TAAR5: variants seen among roughly 807,000 people sequenced by gnomAD.
TAAR5 encodes the protein trace amine associated receptor 5, also known as trace amine-associated receptor 5.
A neutral mutation model predicts 21.1 loss-of-function variants in TAAR5; 27 were observed. The observed-to-expected ratio is 1.28, with a 90% CI of 0.94 to 1.76. TAAR5 has a LOEUF of 1.76. Ranked by LOEUF, TAAR5 falls within the 40% of genes most tolerant of loss-of-function variation. The pLI, the probability that TAAR5 is intolerant of heterozygous loss-of-function variation, is 0.00. For synonymous variants in TAAR5, 203 were observed against 167.5 expected (o/e 1.21, Z -1.64); for missense variants, 495 against 405.6 (o/e 1.22, Z -1.89).
the TAAR5 span, among the ~76,000 whole-genome samples, chr6:132,596,658 G>C: frequency 6.6e-6 from 1 of 151,772 alleles, no homozygotes; most frequent in East Asian, 1.9e-4. Flanking sequence ...AAATTTTTTA[G>C]GGTTTTTTTT....
At chr6:132,593,658 A>T (rs1216877780), upstream of TAAR5, among the ~76,000 whole-genome samples, 1 of 152,194 alleles carries the variant, frequency 6.6e-6, no homozygotes, top group Non-Finnish European at 1.5e-5. Flanking sequence ...TAATGAATAT[A>T]TGTACACACA....
At chr6:132,601,017 G>GA in the TAAR5 span, among the ~76,000 whole-genome samples, 27 of 32,196 alleles carry the variant, frequency 8.4e-4, no homozygotes, top group African/African-American at 5.5e-3. Context: ...AGGAAGGAAG[G>GA]GGGGAAGGAG....
At position 132,589,072 on chromosome 6, in the gene TAAR5, G is replaced by A. The variant is rs1354892165; in HGVS notation, c.615C>T (p.Phe205=). The A allele has an allele frequency of 6.8e-6, 11 of 1,613,992 alleles. No homozygotes were observed. The highest frequency in any genetic ancestry group is 1.1e-5 in the South Asian group (1 of 91,090). The part of the protein sequence containing the change: ...LLNKFWGWLN[F]PLFFVPCLIM... ...TGAGGCAGGGGACAAAGAACAAAGGGAAGTTTAACCAGCCCCAAAATTTAT... is the reference window on the plus strand; with the variant it reads ...TGAGGCAGGGGACAAAGAACAAAGGAAAGTTTAACCAGCCCCAAAATTTAT... Residue 205 remains phenylalanine, a synonymous_variant, in exon 1 of 1, where the codon TTC becomes TTT. Coordinates refer to ENST00000258034, the MANE Select transcript of TAAR5 (RefSeq NM_003967.3).
chr6:132,611,122 T>C, the TAAR5 span, among the ~76,000 whole-genome samples: 664 of 151,990 alleles, frequency 4.4e-3, 9 homozygotes, highest in African/African-American at 0.015. Flanking sequence ...TGCAACAGCA[T>C]GAGTGGAACT....
At chr6:132,602,897 G>A in the TAAR5 span, among the ~76,000 whole-genome samples, 4 of 151,766 alleles carry the variant, frequency 2.6e-5, no homozygotes, top group Non-Finnish European at 5.9e-5. Flanking sequence ...AGCAGGTTGT[G>A]CATGAACTAA....
At chr6:132,590,249 C>T (rs1450352072), upstream of TAAR5, among the ~76,000 whole-genome samples, 1 of 152,112 alleles carries the variant, frequency 6.6e-6, no homozygotes, top group African/African-American at 2.4e-5. Context: ...AGATTTTTAG[C>T]TACATGCCAA....
chr6:132,594,593 A>G (rs1053470451), upstream of TAAR5: 7 of 152,350 alleles, frequency 4.6e-5, no homozygotes, highest in East Asian at 5.8e-4. Flanking sequence ...AGGATCTGTG[A>G]TCGTCAAGAC....
the TAAR5 span, chr6:132,608,498 C>A: frequency 4.4e-6 from 2 of 455,020 alleles, no homozygotes; most frequent in Non-Finnish European, 8.8e-6. Flanking sequence ...ACCCCCATTA[C>A]TATACCCAGT....
chr6:132,588,781 G>A lies in TAAR5; in HGVS notation c.906C>T (p.Pro302=). ...WFAYFNSACN[P]IIYVFSYQWF... ...ACTGGTAGGAAAAGACATAGATGAT[G>A]GGGTTGCAGGCTGAGTTGAAGTAAG... Residue 302 remains proline, a synonymous_variant, in exon 1 of 1, where the codon CCC becomes CCT. Coordinates refer to ENST00000258034, the MANE Select transcript of TAAR5 (RefSeq NM_003967.3). The A allele has an allele frequency of 6.2e-7, 1 of 1,614,034 alleles. No individual in the cohort carries two copies. Among genetic ancestry groups the A allele is most frequent in the Non-Finnish European group, 8.5e-7 (1 of 1,180,002 alleles).
the TAAR5 span, among the ~76,000 whole-genome samples, chr6:132,610,285 A>G: frequency 4.6e-5 from 7 of 152,194 alleles, no homozygotes; most frequent in African/African-American, 1.7e-4. Flanking sequence ...CCTATAACAA[A>G]GCACAGAGTC....
At chr6:132,611,291 G>A in the TAAR5 span, among the ~76,000 whole-genome samples, 757 of 151,810 alleles carry the variant, frequency 5.0e-3, 3 homozygotes, top group Non-Finnish European at 7.1e-3. Flanking sequence ...AGGATAGTGG[G>A]GAGAGGGGGA....
In TAAR5 at chr6:132,588,729, G is replaced by A; in HGVS notation, c.958C>T (p.Leu320=). The A allele has an allele frequency of 6.2e-7, 1 of 1,614,024 alleles. No individual in the cohort carries two copies. Among genetic ancestry groups the A allele is most frequent in the Non-Finnish European group, 8.5e-7 (1 of 1,179,974 alleles). The part of the protein sequence containing the change: ...QWFRKALKLT[L]SQKVFSPQTR... ...TGCGGTGAGAAGACCTTCTGGCTCA[G>A]TGTGAGTTTCAGTGCCTTCCGAAAC... The change falls in exon 1 of 1, where the codon CTG becomes TTG. Residue 320 remains leucine (L), a synonymous_variant. Transcript: ENST00000258034.
At chr6:132,611,175 A>G in the TAAR5 span, among the ~76,000 whole-genome samples, 1 of 151,596 alleles carries the variant, frequency 6.6e-6, no homozygotes, top group Non-Finnish European at 1.5e-5. Flanking sequence ...ATAGAAAGAC[A>G]AATATCTCAT....
At chr6:132,595,555 G>T in the TAAR5 span, 1 of 152,088 alleles carries the variant, frequency 6.6e-6, no homozygotes, top group Non-Finnish European at 1.5e-5. Context: ...TTTTTCAGAG[G>T]CCAAACTAAG....
At chr6:132,616,653 C>T in the TAAR5 span, among the ~76,000 whole-genome samples, 1 of 152,208 alleles carries the variant, frequency 6.6e-6, no homozygotes, top group African/African-American at 2.4e-5. Context: ...TAACTGACTC[C>T]TGGAAGAATA....
upstream of TAAR5, among the ~76,000 whole-genome samples, chr6:132,593,345 GTTTTA>G (rs1776932903): frequency 6.6e-6 from 1 of 152,208 alleles, no homozygotes; most frequent in African/African-American, 2.4e-5. Context: ...CAGGGTTTGA[GTTTTA>G]TTTATCTCTG....
chr6:132,615,469 G>A, the TAAR5 span, among the ~76,000 whole-genome samples: 2 of 151,668 alleles, frequency 1.3e-5, no homozygotes, highest in Non-Finnish European at 2.9e-5. Context: ...CAGTTAAAAT[G>A]TCACAAATAT....
At chr6:132,599,519 G>A in the TAAR5 span, among the ~76,000 whole-genome samples, 2 of 151,574 alleles carry the variant, frequency 1.3e-5, no homozygotes, top group South Asian at 4.2e-4. Flanking sequence ...AGTAGAGATG[G>A]GGTGTCACCA....
chr6:132,606,649 C>T, the TAAR5 span, among the ~76,000 whole-genome samples: 1 of 152,078 alleles, frequency 6.6e-6, no homozygotes, highest in African/African-American at 2.4e-5. Flanking sequence ...ATTTATTAGG[C>T]ACATTTACTT....
Sources: allele counts gnomAD v4.1 joint callset (sites outside exome capture counted in the v4.1 genomes callset), GRCh38; gene constraint gnomAD v4.1.1; transcripts MANE v1.5; gene names NCBI Gene and HGNC (gene_info 2026-07-23, HGNC 2026-07-21).